The following CCDC57 variants were observed in gnomAD, a reference collection of about 807,000 sequenced individuals.
CCDC57 encodes coiled-coil domain-containing protein 57.
In CCDC57, 118 loss-of-function variants were observed where a neutral mutation model predicts 118.9. The ratio of observed to expected loss-of-function variants is 0.99; its 90% CI spans 0.86 to 1.16. The LOEUF (loss-of-function observed/expected upper bound fraction) is 1.16, where lower values mean the gene tolerates loss of function less well. Among genes scored for constraint, CCDC57 ranks in the 50% most tolerant of loss-of-function variants. The pLI is 0.00. For missense variants in CCDC57, 1,300 were observed against 1,320.7 expected, an observed-to-expected ratio of 0.98 and a Z score of 0.24; for synonymous variants, 527 against 532.9, an observed-to-expected ratio of 0.99 and a Z score of 0.15.
chr17:82,173,272 T>C (rs1224710328), intron 11 of CCDC57, among the ~76,000 whole-genome samples: 1 of 152,082 alleles, frequency 6.6e-6, no homozygotes, highest in East Asian at 1.9e-4. Flanking sequence ...CACCAAAAAA[T>C]AGTTAAAGCA....
At position 82,109,713 on chromosome 17, in the gene CCDC57, C is replaced by T. The variant is rs148416632; in HGVS notation, c.2900-7847G>A. ...TCTACTAAAAATACAAAAAATTAGC[C>T]GGGCGTGGTGGCGGGCACCTGTAGT... On this transcript the variant is annotated intron_variant, in intron 19 of 19. Transcript: ENST00000665763. 3.6e-3 allele frequency among the ~76,000 whole-genome samples: 547 copies of T among 151,702 alleles called. 18 individuals are homozygous for T. The East Asian group carries it at 0.09, about 25-fold the overall frequency.
intron 7 of CCDC57, among the ~76,000 whole-genome samples, chr17:82,191,417 C>A (rs888031936): frequency 2.0e-5 from 3 of 152,098 alleles, no homozygotes; most frequent in Non-Finnish European, 4.4e-5. Flanking sequence ...AGTGTTAAAG[C>A]GGGATTGGCA....
At position 82,102,495 on chromosome 17, in the gene CCDC57, C is replaced by G. The variant is rs552424291; in HGVS notation, c.2900-629G>C. Reference sequence around the variant, plus strand: ...TTCGCAGAGGGGTGTTGTAGGTGATCTTCTTTATCTGGCCAGTTTTTCTCT... The same window carrying G: ...TTCGCAGAGGGGTGTTGTAGGTGATGTTCTTTATCTGGCCAGTTTTTCTCT... On this transcript the variant is annotated intron_variant, in intron 19 of 19. Transcript: ENST00000665763. Among the ~76,000 whole-genome samples the G allele has an allele frequency of 1.2e-3, 190 of 152,310 alleles. 1 individual carries two copies. Among genetic ancestry groups the G allele is most frequent in the African/African-American group, 4.2e-3 (173 of 41,562 alleles).
chr17:82,163,062 C>A (rs1484164740), intron 14 of CCDC57, 138 bp downstream of exon 13: 2 of 1,079,024 alleles, frequency 1.9e-6, no homozygotes, highest in East Asian at 2.4e-5. Context: ...GCCCCTTCCT[C>A]AGAAAAAAAC....
chr17:82,170,401 A>T (rs1380479655), intron 13 of CCDC57, among the ~76,000 whole-genome samples: 3 of 151,388 alleles, frequency 2.0e-5, no homozygotes. Flanking sequence ...CCAGCTACTC[A>T]GGAGGCTGAG....
intron 16 of CCDC57, among the ~76,000 whole-genome samples, chr17:82,145,026 C>CTTTTTTTT (rs63184860): frequency 8.3e-6 from 1 of 120,264 alleles, no homozygotes; most frequent in Non-Finnish European, 1.7e-5. Context: ...TTTTTTTTTT[C>CTTTTTTTT]TTTTTTTTTT....
intron 19 of CCDC57, chr17:82,112,714 C>T (rs2035366030): frequency 2.0e-5 from 3 of 152,492 alleles, no homozygotes; most frequent in Admixed American, 2.0e-4. Context: ...GTGCCGGCAG[C>T]CCAGAAACGG....
At chr17:82,148,099 T>G (rs2041104359) in intron 16 of CCDC57, among the ~76,000 whole-genome samples, 2 of 127,154 alleles carry the variant, frequency 1.6e-5, no homozygotes, top group Admixed American at 7.9e-5. Flanking sequence ...GATGGATGGG[T>G]GGGTGGGATA....
chr17:82,116,403 G>A (rs1314072527), intron 19 of CCDC57, among the ~76,000 whole-genome samples: 1 of 152,048 alleles, frequency 6.6e-6, no homozygotes, highest in African/African-American at 2.4e-5. Flanking sequence ...CGGCCCAGGG[G>A]CGGCCCACTG....
At chr17:82,180,718 G>A (rs1391281194) in intron 9 of CCDC57, among the ~76,000 whole-genome samples, 4 of 152,124 alleles carry the variant, frequency 2.6e-5, no homozygotes, top group East Asian at 1.9e-4. Context: ...CTCGTGATCC[G>A]CCCGCCTCGG....
chr17:82,154,143 G>C (rs2042396024), intron 15 of CCDC57: 1 of 152,400 alleles, frequency 6.6e-6, no homozygotes, highest in Admixed American at 6.5e-5. Context: ...AGGGCTAGAG[G>C]CAGCTGATGT....
chr17:82,194,309 C>CAT, intron 5 of CCDC57, 170 bp from the exon 5 acceptor site: 1 of 517,612 alleles, frequency 1.9e-6, no homozygotes, highest in African/African-American at 2.0e-5. Context: ...GACTCAATGA[C>CAT]TTTTTTTTTT....
At position 82,181,552 on chromosome 17, in the gene CCDC57, A is replaced by G. The variant is rs541812649; in HGVS notation, c.1211+2222T>C. 2.0e-5 allele frequency among the ~76,000 whole-genome samples: 3 copies of G among 152,346 alleles called. No homozygotes were observed. In the South Asian group the frequency reaches 6.2e-4, roughly 32 times the overall value. ...TCACCATGTCTGACATCCAGTGAAAACTTACCAGATGGGCAAGGAAGTAGA... is the reference window on the plus strand; with the variant it reads ...TCACCATGTCTGACATCCAGTGAAAGCTTACCAGATGGGCAAGGAAGTAGA... On this transcript the variant is annotated intron_variant, in intron 9 of 19. Coordinates refer to ENST00000665763, the Ensembl canonical transcript of CCDC57.
At chr17:82,140,095 G>GT (rs879900624) in intron 16 of CCDC57, among the ~76,000 whole-genome samples, 13 of 151,490 alleles carry the variant, frequency 8.6e-5, no homozygotes, top group South Asian at 2.1e-4. Context: ...TTTTTTGTTT[G>GT]TTTTTTTTGA....
At chr17:82,183,637 G>A in intron 9 of CCDC57, 137 bp downstream of exon 8, 1 of 869,116 alleles carries the variant, frequency 1.2e-6, no homozygotes, top group Non-Finnish European at 1.7e-6. Context: ...CATTCTATCT[G>A]TCTTGTTCAC....
intron 19 of CCDC57, among the ~76,000 whole-genome samples, chr17:82,120,829 C>T (rs771490882): frequency 1.1e-4 from 16 of 152,042 alleles, no homozygotes; most frequent in Non-Finnish European, 2.2e-4. Context: ...AACCTCGGCT[C>T]ACTGCAAGCT....
At chr17:82,132,872 G>A (rs904303475) in intron 17 of CCDC57, among the ~76,000 whole-genome samples, 2 of 147,636 alleles carry the variant, frequency 1.4e-5, no homozygotes, top group African/African-American at 5.0e-5. Flanking sequence ...CAATTCTCCT[G>A]CCTCAGCCTC....
Position 82,172,748 on chromosome 17 carries a change from TTCC to T in CCDC57, c.1616_1618del (p.Arg539del), listed in dbSNP as rs770965384. The T allele has an allele frequency of 6.2e-7, 1 of 1,609,588 alleles. No homozygotes were observed. On this transcript the variant is annotated inframe_deletion, in exon 12 of 20. Transcript: ENST00000665763. This position sits in a 1 kb window ranked among gnomAD's most constrained non-coding sequence, Gnocchi z 5.2. ...CTGATGGCTTAGAGCCTCCATTTCT[TTCC>T]TCATCTGGGCAATCGCGTTTCGCAA...
chr17:82,105,523 G>A (rs947702188), intron 19 of CCDC57, among the ~76,000 whole-genome samples: 2 of 151,986 alleles, frequency 1.3e-5, no homozygotes, highest in African/African-American at 2.4e-5. Context: ...GGGTCCCCAC[G>A]CCTGGGAGGC....
Sources: allele counts gnomAD v4.1 joint callset (sites outside exome capture counted in the v4.1 genomes callset), GRCh38; gene constraint gnomAD v4.1.1; non-coding constraint Gnocchi (gnomAD v3.1); transcripts MANE v1.5; gene names NCBI Gene and HGNC (gene_info 2026-07-23, HGNC 2026-07-21).